The following TRIM16 variants were observed in gnomAD, a reference collection of about 807,000 sequenced individuals.
TRIM16 encodes the protein tripartite motif containing 16.
A neutral mutation model predicts 50.4 loss-of-function variants in TRIM16; 33 were observed. That is an observed-to-expected ratio of 0.65 (90% CI 0.50 to 0.88). TRIM16 has a LOEUF of 0.88. TRIM16 is among the 40% of genes least tolerant of loss of function. The pLI, the probability that TRIM16 is intolerant of heterozygous loss-of-function variation, is 0.00. For missense variants in TRIM16, 581 were observed against 686.8 expected, an observed-to-expected ratio of 0.85 and a Z score of 1.72; for synonymous variants, 229 against 270.7, an observed-to-expected ratio of 0.85 and a Z score of 1.51.
At chr17:15,642,535 G>C (rs1567674094) in intron 8 of TRIM16, among the ~76,000 whole-genome samples, 186 bp downstream of exon 8, 1 of 149,228 alleles carries the variant, frequency 6.7e-6, no homozygotes, top group Non-Finnish European at 1.5e-5. Flanking sequence ...CACTTGCCAG[G>C]TTTAAAACTT....
chr17:15,638,025 T>C (rs1986923959), intron 8 of TRIM16, among the ~76,000 whole-genome samples: 4 of 136,824 alleles, frequency 2.9e-5, no homozygotes. Context: ...AAGATGTGCT[T>C]TGTTAAACAG....
chr17:15,632,639 G>A lies in TRIM16; in HGVS notation c.885C>T (p.Thr295=). The change falls in exon 10 of 12, where the codon ACC becomes ACT. Residue 295 remains threonine (T), a synonymous_variant. Transcript: ENST00000649191. The part of the protein sequence containing the change: ...YCKFKNTEDI[T]FPSVYVGLKD... ...TCAGCCCTACGTAAACACTAGGGAA[G>A]GTGATGTCTTCAGTGTTCTTAAACT... 1 of 1,613,180 alleles carries A rather than the reference G, an allele frequency of 6.2e-7. No individual in the cohort carries two copies. The highest frequency in any genetic ancestry group is 1.1e-5 in the South Asian group (1 of 90,902).
Position 15,677,316 on chromosome 17 carries a change from A to G in TRIM16, c.-442-36T>C, listed in dbSNP as rs538089205. On this transcript the variant is annotated intron_variant, in intron 5 of 11. Transcript: ENST00000649191. Reference sequence around the variant, plus strand: ...ACAAACAGAATGTAATTTTAAGTTCAAAAGAGAAAGGACCACTCTATTCTC... The same window carrying G: ...ACAAACAGAATGTAATTTTAAGTTCGAAAGAGAAAGGACCACTCTATTCTC... The G allele has an allele frequency of 7.3e-5, 72 of 984,018 alleles. No homozygotes were observed. In the South Asian group the frequency reaches 1.9e-3, roughly 26 times the overall value. 61.0% of individuals were successfully genotyped at this position (984,018 alleles called of 1,614,324 possible).
intron 7 of TRIM16, among the ~76,000 whole-genome samples, chr17:15,643,582 C>CAACCACCT (rs1270428215): frequency 4.1e-5 from 6 of 147,294 alleles, no homozygotes; most frequent in African/African-American, 1.3e-4. Context: ...GGCTGTACCC[C>CAACCACCT]AACCACCTTG....
intron 6 of TRIM16, among the ~76,000 whole-genome samples, chr17:15,667,905 T>C (rs1988567663): frequency 6.6e-6 from 1 of 151,796 alleles, no homozygotes; most frequent in Admixed American, 6.6e-5. Flanking sequence ...TTTTCTAGTG[T>C]CCTTTGTATG....
At position 15,635,383 on chromosome 17, in the gene TRIM16, G is replaced by A. The variant is rs988496255; in HGVS notation, c.849+653C>T. Among the ~76,000 whole-genome samples, 17 of 148,690 alleles carry A rather than the reference G, an allele frequency of 1.1e-4. 2 individuals carry two copies. Among genetic ancestry groups the A allele is most frequent in the African/African-American group, 4.0e-4 (16 of 39,990 alleles). ...TTTAGATCTCGTTCCAATGGCTTAC[G>A]GTTTGATGTCTAATGATACATTGTA... is the stretch of plus-strand genomic sequence containing the variant. On this transcript the variant is annotated intron_variant, in intron 9 of 11. Transcript: ENST00000649191.
intron 8 of TRIM16, among the ~76,000 whole-genome samples, chr17:15,638,147 G>C (rs993176650): frequency 1.6e-5 from 2 of 125,930 alleles, no homozygotes; most frequent in African/African-American, 6.3e-5. Flanking sequence ...GAAAACCAGA[G>C]ACCTTTGTTC....
intron 6 of TRIM16, among the ~76,000 whole-genome samples, chr17:15,655,183 C>T (rs1009045302): frequency 2.6e-5 from 4 of 152,108 alleles, no homozygotes; most frequent in Non-Finnish European, 5.9e-5. Context: ...ATCCCTTTTT[C>T]AGAGTGACCT....
intron 6 of TRIM16, chr17:15,658,978 G>C: frequency 3.3e-6 from 2 of 609,246 alleles, no homozygotes; most frequent in Non-Finnish European, 4.1e-6. Context: ...AGACACTAAG[G>C]GCCGTTGCTC....
intron 6 of TRIM16, among the ~76,000 whole-genome samples, chr17:15,674,627 C>T (rs1262216580): frequency 6.6e-6 from 1 of 152,140 alleles, no homozygotes; most frequent in East Asian, 1.9e-4. Context: ...GCCCACAGAT[C>T]GAATGCTCTC....
At chr17:15,658,062 C>T (rs749214707) in intron 6 of TRIM16, among the ~76,000 whole-genome samples, 4 of 152,138 alleles carry the variant, frequency 2.6e-5, no homozygotes, top group Non-Finnish European at 5.9e-5. Context: ...GAATCCCCAC[C>T]CAGAATTCTG....
chr17:15,655,510 A>C (rs1275969593), intron 6 of TRIM16, among the ~76,000 whole-genome samples: 1 of 151,834 alleles, frequency 6.6e-6, no homozygotes, highest in Admixed American at 6.6e-5. Flanking sequence ...GACATTCCAC[A>C]GTGGTGTGGA....
At chr17:15,661,817 C>T (rs1323188890) in intron 6 of TRIM16, among the ~76,000 whole-genome samples, 1 of 151,970 alleles carries the variant, frequency 6.6e-6, no homozygotes, top group African/African-American at 2.4e-5. Flanking sequence ...TTTAGACCCA[C>T]TTTCCCACTC....
chr17:15,651,455 C>T lies in TRIM16; in HGVS notation c.155G>A (p.Gly52Asp). The change falls in exon 7 of 12, where the codon GGC becomes GAC. Residue 52 changes from glycine (G) to aspartate (D), a missense_variant. This residue lies in a region of TRIM16 where 450 missense variants were observed against 544.3 expected (regional missense o/e 0.83). Transcript: ENST00000649191. ...EEDVGSSEKL[G>D]RETEEQDSDS... ...GCTGTCCTGTTCCTCCGTCTCCCTGCCAAGCTTCTCCGAGGAGCCCACGTC... is the reference window on the plus strand; with the variant it reads ...GCTGTCCTGTTCCTCCGTCTCCCTGTCAAGCTTCTCCGAGGAGCCCACGTC... 3 of 1,611,864 alleles carry T rather than the reference C, an allele frequency of 1.9e-6. No homozygotes were observed. The highest frequency in any genetic ancestry group is 1.7e-6 in the Non-Finnish European group (2 of 1,178,486).
rs529326933 is a variant in TRIM16, at chr17:15,654,643, G to A, written c.-337-2697C>T. Among the ~76,000 whole-genome samples, 65 of 152,300 alleles carry A rather than the reference G, an allele frequency of 4.3e-4. 2 individuals are homozygous for A. The highest frequency in any genetic ancestry group is 1.5e-3 in the African/African-American group (61 of 41,558). The stretch of plus-strand genomic sequence containing the variant: ...AGCTCTGCAGCTGCAAGGTCACTAG[G>A]CAGATAAACTCAAGTTGTAAAACAT... On this transcript the variant is annotated intron_variant, in intron 6 of 11. Coordinates refer to ENST00000649191, the MANE Select transcript of TRIM16 (RefSeq NM_001348119.1).
At chr17:15,674,387 A>G (rs979205000) in intron 6 of TRIM16, among the ~76,000 whole-genome samples, 2 of 152,048 alleles carry the variant, frequency 1.3e-5, no homozygotes, top group Non-Finnish European at 2.9e-5. Flanking sequence ...AAAAGACACA[A>G]TAACATTAAA....
intron 7 of TRIM16, 54 bp downstream of exon 7, chr17:15,651,037 A>G: frequency 6.4e-7 from 1 of 1,558,692 alleles, no homozygotes; most frequent in Non-Finnish European, 8.7e-7. Flanking sequence ...CCAGCTGGGC[A>G]CACCATCCCC....
chr17:15,639,292 G>A (rs1263403743), intron 8 of TRIM16, among the ~76,000 whole-genome samples: 10 of 146,600 alleles, frequency 6.8e-5, no homozygotes, highest in African/African-American at 1.8e-4. Context: ...GCAATCTGCC[G>A]TCCTTGGCCT....
In TRIM16 at chr17:15,636,255, C is replaced by T; in HGVS notation, c.630G>A (p.Glu210=). 2.5e-6 allele frequency: 4 copies of T among 1,608,594 alleles called. 1 individual carries two copies. Among genetic ancestry groups the T allele is most frequent in the Non-Finnish European group, 3.4e-6 (4 of 1,178,128 alleles). ...NQKSVLVSVS[E]VKAVAEMQFG... ...ACTGCATTTCAGCCACCGCTTTGAC[C>T]TCTGACACCGACACCTGGCAGGGGG... Residue 210 remains glutamate (E), a synonymous_variant, in exon 9 of 12, where the codon GAG becomes GAA. Coordinates refer to ENST00000649191, the MANE Select transcript of TRIM16 (RefSeq NM_001348119.1).
Sources: allele counts gnomAD v4.1 joint callset (sites outside exome capture counted in the v4.1 genomes callset), GRCh38; gene constraint gnomAD v4.1.1; regional missense constraint gnomAD v4.1.1; transcripts MANE v1.5; gene names NCBI Gene and HGNC (gene_info 2026-07-23, HGNC 2026-07-21).